Variants in PDCD7 observed in about 807,000 individuals in gnomAD.
PDCD7 encodes the protein programmed cell death 7.
PDCD7 carries 40 observed loss-of-function variants against 42.1 expected under a neutral mutation model. The ratio of observed to expected loss-of-function variants is 0.95; its 90% confidence interval spans 0.74 to 1.24. PDCD7 has a LOEUF of 1.24. Ranked by LOEUF, PDCD7 falls within the 50% of genes most tolerant of loss-of-function variation. The probability of loss-of-function intolerance (pLI) is 0.00; values close to 1 mark genes in which losing one functional copy is unlikely to be tolerated. For missense variants in PDCD7, 644 were observed against 662.8 expected, an observed-to-expected ratio of 0.97 and a Z score of 0.31; for synonymous variants, 299 against 303.3, an observed-to-expected ratio of 0.99 and a Z score of 0.15.
At chr15:65,122,319 G>C (rs753837978) in intron 2 of PDCD7, among the ~76,000 whole-genome samples, 1 of 151,736 alleles carries the variant, frequency 6.6e-6, no homozygotes, top group African/African-American at 2.4e-5. Context: ...TTGGGTGACA[G>C]AGCAAGACTC....
intron 3 of PDCD7, 21 bp from the exon 4 acceptor site, chr15:65,119,484 A>G (rs1309792303): frequency 6.5e-7 from 1 of 1,541,720 alleles, no homozygotes; most frequent in South Asian, 1.1e-5. Context: ...AAAGCACAAT[A>G]CCACGTTATC....
Position 65,118,258 on chromosome 15 carries a change from G to A in PDCD7, c.*459C>T, listed in dbSNP as rs2087423043. The A allele has an allele frequency of 6.5e-6, 1 of 152,862 alleles. No individual in the cohort carries two copies. The highest frequency in any genetic ancestry group is 2.4e-5 in the African/African-American group (1 of 41,468). 9.5% of individuals were successfully genotyped at this position (152,862 alleles called of 1,614,324 possible). ...ACATTTTTGACCTTTCTTCCTAGAAGTCAAAGGGCTCTTCAGGTAGGAAAG... is the reference window on the plus strand; with the variant it reads ...ACATTTTTGACCTTTCTTCCTAGAAATCAAAGGGCTCTTCAGGTAGGAAAG... On this transcript the variant is annotated 3_prime_UTR_variant, in exon 5 of 5. Transcript: ENST00000204549.
chr15:65,119,038 A>T (rs2087430337), intron 4 of PDCD7, 198 bp from the exon 5 acceptor site: 1 of 459,984 alleles, frequency 2.2e-6, no homozygotes. Context: ...GAAGAACTTA[A>T]ACCTTATGGA....
Position 65,133,138 on chromosome 15 carries a change from A to T in PDCD7, c.644T>A (p.Leu215Gln). ...TAGCCGCTCGGCCAGTTCCGCGCGCAGCGGCGCGGTCTGGGAGTACAGCAG... is the reference window on the plus strand; with the variant it reads ...TAGCCGCTCGGCCAGTTCCGCGCGCTGCGGCGCGGTCTGGGAGTACAGCAG... Reference protein sequence around the residue: ...WVLLYSQTAPLRAELAERLQP... With the variant: ...WVLLYSQTAPQRAELAERLQP... The change falls in exon 1 of 5, where the codon CTG becomes CAG. Residue 215 changes from leucine (L) to glutamine (Q), a missense_variant. Physicochemically the swap from Leu to Gln is moderately radical, Grantham distance 113. Transcript: ENST00000204549. The T allele has an allele frequency of 6.5e-7, 1 of 1,535,012 alleles. No homozygotes were observed. The highest frequency in any genetic ancestry group is 8.7e-7 in the Non-Finnish European group (1 of 1,147,324).
Position 65,133,252 on chromosome 15 carries a change from C to G in PDCD7, c.530G>C (p.Arg177Pro), listed in dbSNP as rs2087558521. 1.5e-6 allele frequency: 2 copies of G among 1,344,364 alleles called. No homozygotes were observed. Among genetic ancestry groups the G allele is most frequent in the South Asian group, 1.9e-5 (1 of 51,602 alleles). The allele number at this position is 1,344,364 out of a possible 1,614,324, so 83.3% of individuals were successfully genotyped here. A position where few individuals can be genotyped will look rare whatever the true frequency, so the allele number is the denominator to read the frequency against. ...CACCAGGCGCAGAGCCCGGAGCAAT[C>G]GCGCGCGCACTTCGCCAAGGCTGGG... ...AGPSLGEVRA[R>P]LLRALRLVRR... Residue 177 changes from arginine to proline, a missense_variant, in exon 1 of 5, where the codon CGA (arginine) becomes CCA (proline). Transcript: ENST00000204549.
intron 2 of PDCD7, among the ~76,000 whole-genome samples, chr15:65,126,407 A>G (rs558716468): frequency 7.9e-5 from 12 of 152,100 alleles, no homozygotes; most frequent in Non-Finnish European, 1.6e-4. Context: ...CAGGTCCCCA[A>G]CTGAACTTGT....
chr15:65,133,628 A>C lies in PDCD7; in HGVS notation c.154T>G (p.Ser52Ala). 5.6e-6 allele frequency: 7 copies of C among 1,249,994 alleles called. No individual in the cohort carries two copies. Among genetic ancestry groups the C allele is most frequent in the Non-Finnish European group, 7.0e-6 (7 of 994,800 alleles). The allele number at this position is 1,249,994 out of a possible 1,614,324, so 77.4% of individuals were successfully genotyped here. A position where few individuals can be genotyped will look rare whatever the true frequency, so the allele number is the denominator to read the frequency against. ...PQRPGPFPGASAPFLQPPLAL... is the reference protein window; with the variant it reads ...PQRPGPFPGAAAPFLQPPLAL... ...AGCGGAGGCTGAAGGAAGGGGGCGG[A>C]GGCCCCCGGAAAAGGGCCGGGCCGC... Residue 52 changes from serine to alanine, a missense_variant, in exon 1 of 5, where the codon TCC (serine) becomes GCC (alanine). By Grantham distance (99) the Ser-to-Ala change is moderately conservative. Coordinates refer to ENST00000204549, the MANE Select transcript of PDCD7 (RefSeq NM_005707.2).
At chr15:65,119,633 C>A in intron 3 of PDCD7, 85 bp downstream of exon 3, 2 of 1,429,288 alleles carry the variant, frequency 1.4e-6, no homozygotes, top group Non-Finnish European at 9.7e-7. Context: ...TTGTTGCCTA[C>A]CACCTCTTAG....
Position 65,133,150 on chromosome 15 carries a change from T to G in PDCD7, c.632A>C (p.Gln211Pro), listed in dbSNP as rs779159160. The change falls in exon 1 of 5, where the codon CAG (glutamine) becomes CCG (proline). Residue 211 changes from glutamine (Q) to proline (P), a missense_variant. Coordinates refer to ENST00000204549, the MANE Select transcript of PDCD7 (RefSeq NM_005707.2). ...CAGTTCCGCGCGCAGCGGCGCGGTC[T>G]GGGAGTACAGCAGGACCCAGGCCGC... ...DGAAWVLLYS[Q>P]TAPLRAELAE... 1 of 1,530,634 alleles carries G rather than the reference T, an allele frequency of 6.5e-7. No individual in the cohort carries two copies. Among genetic ancestry groups the G allele is most frequent in the South Asian group, 1.2e-5 (1 of 83,626 alleles). The allele number at this position is 1,530,634 out of a possible 1,614,324, so 94.8% of individuals were successfully genotyped here.
Position 65,119,938 on chromosome 15 carries a change from G to A in PDCD7, c.1026C>T (p.Ala342=). 6.2e-7 allele frequency: 1 copy of A among 1,613,288 alleles called. No individual in the cohort carries two copies. Among genetic ancestry groups the A allele is most frequent in the Non-Finnish European group, 8.5e-7 (1 of 1,179,812 alleles). Residue 342 remains alanine (A), a synonymous_variant, in exon 3 of 5, where the codon GCC becomes GCT. Transcript: ENST00000204549. ...GATGCGTAAAAGTCTCATCTGCTGA[G>A]GCTGGAGGACAGACCCCTGGGCAGA... ...AAARKGVCPP[A]SADETFTHHL...
At chr15:65,129,571 G>A (rs2087523216) in intron 1 of PDCD7, among the ~76,000 whole-genome samples, 1 of 152,208 alleles carries the variant, frequency 6.6e-6, no homozygotes, top group Admixed American at 6.5e-5. Context: ...TGGAAAGGCT[G>A]AGACCTCTAC....
rs2087422946 is a variant in PDCD7 at position 65,118,236 on chromosome 15, T to C, written c.*481A>G. On this transcript the variant is annotated 3_prime_UTR_variant, in exon 5 of 5. Coordinates refer to ENST00000204549, the MANE Select transcript of PDCD7 (RefSeq NM_005707.2). ...GGGATTAACACAACTGAAGATAACA[T>C]TTTTGACCTTTCTTCCTAGAAGTCA... 1 of 152,372 alleles carries C rather than the reference T, an allele frequency of 6.6e-6. No individual in the cohort carries two copies. Among genetic ancestry groups the C allele is most frequent in the Non-Finnish European group, 1.5e-5 (1 of 68,168 alleles). The allele number at this position is 152,372 out of a possible 1,614,324, so 9.4% of individuals were successfully genotyped here.
At chr15:65,118,901 G>T in intron 4 of PDCD7, 61 bp from the exon 5 acceptor site, 17 of 1,270,726 alleles carry the variant, frequency 1.3e-5, no homozygotes, top group Non-Finnish European at 1.8e-5. Flanking sequence ...AAGATGTTCA[G>T]CAACTACATA....
Position 65,133,532 on chromosome 15 carries a change from G to A in PDCD7, c.250C>T (p.Pro84Ser). The change falls in exon 1 of 5, where the codon CCA becomes TCA. Residue 84 changes from proline (P) to serine (S), a missense_variant. Transcript: ENST00000204549. ...GGCGGAGGAGGCAGCGGCGGTGGTG[G>A]CACCGGGTAGAAGGCGCCAGCGCCG... Reference protein sequence around the residue: ...GGGAGAFYPVPPPPLPPPPPQ... With the variant: ...GGGAGAFYPVSPPPLPPPPPQ... The A allele has an allele frequency of 8.1e-7, 1 of 1,228,554 alleles. No individual in the cohort carries two copies. 76.1% of individuals were successfully genotyped at this position (1,228,554 alleles called of 1,614,324 possible). A position where few individuals can be genotyped will look rare whatever the true frequency, so the allele number is the denominator to read the frequency against.
At chr15:65,128,138 T>C (rs932666144) in intron 2 of PDCD7, among the ~76,000 whole-genome samples, 1 of 152,224 alleles carries the variant, frequency 6.6e-6, no homozygotes, top group Non-Finnish European at 1.5e-5. Flanking sequence ...AAACAACACA[T>C]GGGAAATCAT....
At chr15:65,125,591 T>A (rs2087489312) in intron 2 of PDCD7, among the ~76,000 whole-genome samples, 2 of 152,178 alleles carry the variant, frequency 1.3e-5, no homozygotes, top group South Asian at 4.1e-4. Context: ...GTTCCTTATT[T>A]CTTGATAATA....
intron 2 of PDCD7, among the ~76,000 whole-genome samples, chr15:65,128,087 T>C (rs964008892): frequency 1.3e-5 from 2 of 152,212 alleles, no homozygotes; most frequent in African/African-American, 4.8e-5. Context: ...AACACAACTT[T>C]CTTAAGGGTC....
At chr15:65,120,695 G>A (rs1566971451) in intron 2 of PDCD7, among the ~76,000 whole-genome samples, 1 of 152,134 alleles carries the variant, frequency 6.6e-6, no homozygotes, top group African/African-American at 2.4e-5. Flanking sequence ...GCAACAGAGT[G>A]AGACTCCGTC....
Position 65,118,683 on chromosome 15 carries a change from G to A in PDCD7, c.*34C>T, listed in dbSNP as rs371898503. ...TCGCTAATATTTACAGCTGGAAAGA[G>A]CGCTGGCTGGACCACACTCCTGGAG... On this transcript the variant is annotated 3_prime_UTR_variant, in exon 5 of 5. Transcript: ENST00000204549. The A allele has an allele frequency of 1.3e-5, 20 of 1,560,004 alleles. No homozygotes were observed. The highest frequency in any genetic ancestry group is 2.8e-5 in the African/African-American group (2 of 72,618).
Sources: gnomAD v4.1 joint callset for allele counts (sites outside exome capture counted in the v4.1 genomes callset) on GRCh38, gnomAD v4.1.1 for gene constraint, MANE v1.5 for transcripts, NCBI Gene and HGNC (gene_info 2026-07-23, HGNC 2026-07-21) for gene names.